CASQ2: variants seen among roughly 807,000 people sequenced by gnomAD.
CASQ2 encodes the protein calsequestrin-2.
A neutral mutation model predicts 46.5 loss-of-function variants in CASQ2; 49 were observed. The ratio of observed to expected loss-of-function variants is 1.05; its 90% CI spans 0.84 to 1.34. The LOEUF (loss-of-function observed/expected upper bound fraction) is 1.34. CASQ2 is among the 40% of genes most tolerant of loss of function. The pLI, the probability that CASQ2 is intolerant of heterozygous loss-of-function variation, is 0.00. For synonymous variants in CASQ2, 174 were observed against 168.5 expected (o/e 1.03, Z -0.25); for missense variants, 486 against 481.3 (o/e 1.01, Z -0.09).
Position 115,761,765 on chromosome 1 carries a change from A to G in CASQ2, c.234+6543T>C, listed in dbSNP as rs537012467. On this transcript the variant is annotated intron_variant, in intron 1 of 10. Transcript: ENST00000261448. ...CAAAACTCAGAGGCCTACATTACCC[A>G]GGATTATGATTCTTGATCCTGTCAT... Among the ~76,000 whole-genome samples the G allele has an allele frequency of 1.1e-3, 168 of 152,228 alleles. 1 individual carries two copies. The highest frequency in any genetic ancestry group is 2.0e-3 in the Non-Finnish European group (139 of 68,018).
At chr1:115,732,335 T>C (rs1315599956) in intron 5 of CASQ2, 4 of 154,278 alleles carry the variant, frequency 2.6e-5, no homozygotes, top group African/African-American at 9.6e-5. Context: ...ACTTGGATTA[T>C]AGAGCACTCT....
In CASQ2 at chr1:115,701,233, G is replaced by C. The variant is rs760001239; in HGVS notation, c.*8C>G. On this transcript the variant is annotated 3_prime_UTR_variant, in exon 11 of 11. Coordinates refer to ENST00000261448, the MANE Select transcript of CASQ2 (RefSeq NM_001232.4). ...ATTTTGTTTTCATCAGAATTGTTTG[G>C]AGTTGGGCTATTCATCATCATCGTC... 6.2e-7 allele frequency: 1 copy of C among 1,613,852 alleles called. No homozygotes were observed. Among genetic ancestry groups the C allele is most frequent in the Non-Finnish European group, 8.5e-7 (1 of 1,179,908 alleles).
chr1:115,738,640 G>A (rs749793370), intron 3 of CASQ2, among the ~76,000 whole-genome samples: 5 of 152,156 alleles, frequency 3.3e-5, no homozygotes, highest in Non-Finnish European at 7.3e-5. Context: ...GTAAAGTGTT[G>A]CTATGATCTA....
intron 8 of CASQ2, among the ~76,000 whole-genome samples, chr1:115,716,769 C>A (rs919557290): frequency 6.6e-6 from 1 of 152,222 alleles, no homozygotes; most frequent in East Asian, 1.9e-4. Flanking sequence ...CTCTGGCCCA[C>A]TTCTCTTCAC....
At chr1:115,718,966 G>A (rs575267783) in intron 7 of CASQ2, among the ~76,000 whole-genome samples, 17 of 152,094 alleles carry the variant, frequency 1.1e-4, no homozygotes, top group African/African-American at 3.6e-4. Flanking sequence ...CATGGGGAGA[G>A]GTATGCTTTG....
intron 8 of CASQ2, among the ~76,000 whole-genome samples, chr1:115,714,345 TG>T (rs764794476): frequency 2.7e-4 from 41 of 152,188 alleles, no homozygotes; most frequent in Non-Finnish European, 3.4e-4. Context: ...GTGAGTGATT[TG>T]GGCAACTTAT....
At chr1:115,713,426 C>T (rs1044839213) in intron 8 of CASQ2, among the ~76,000 whole-genome samples, 2 of 152,150 alleles carry the variant, frequency 1.3e-5, no homozygotes, top group African/African-American at 2.4e-5. Flanking sequence ...GGCGATTAGG[C>T]TCGAGGGCCA....
rs747398730 is a variant in CASQ2 at position 115,764,777 on chromosome 1, A to AT, written c.234+3530dup. On this transcript the variant is annotated intron_variant, in intron 1 of 10. Transcript: ENST00000261448. The stretch of plus-strand genomic sequence containing the variant: ...TTTGAGTTTGCTGCCTCCTGGTGTC[A>AT]TATTACTTGCCTTTTTCTTGCTAAG... Among the ~76,000 whole-genome samples the AT allele has an allele frequency of 4.3e-3, 652 of 152,088 alleles. 1 individual carries two copies. Among genetic ancestry groups the AT allele is most frequent in the Non-Finnish European group, 7.5e-3 (512 of 67,980 alleles).
chr1:115,762,429 G>GA (rs775014015), intron 1 of CASQ2, among the ~76,000 whole-genome samples: 114 of 152,238 alleles, frequency 7.5e-4, no homozygotes, highest in Non-Finnish European at 2.2e-4. Context: ...CTAGCTGCCT[G>GA]AAAAAATCCC....
At chr1:115,722,715 CGAA>C (rs1308612260) in intron 7 of CASQ2, among the ~76,000 whole-genome samples, 2 of 152,148 alleles carry the variant, frequency 1.3e-5, no homozygotes, top group African/African-American at 4.8e-5. Flanking sequence ...CCATGAAAGA[CGAA>C]GACCAAGACC....
intron 1 of CASQ2, among the ~76,000 whole-genome samples, chr1:115,764,190 G>A (rs535882110): frequency 3.4e-4 from 51 of 152,138 alleles, no homozygotes; most frequent in East Asian, 3.3e-3. Context: ...AATGAAAAGC[G>A]AAGATTTTTA....
chr1:115,766,946 T>A (rs71519717), intron 1 of CASQ2, among the ~76,000 whole-genome samples: 15,567 of 151,688 alleles, frequency 0.1, 917 homozygotes, highest in South Asian at 0.24. Context: ...ATTTCTTTTT[T>A]AAAAAAAATT....
intron 7 of CASQ2, among the ~76,000 whole-genome samples, chr1:115,719,469 G>A (rs1182518119): frequency 5.9e-5 from 9 of 152,188 alleles, no homozygotes. Context: ...TTTGGAATTG[G>A]CTTTAGAATT....
chr1:115,751,801 G>T (rs1648593099), intron 1 of CASQ2, among the ~76,000 whole-genome samples: 1 of 152,174 alleles, frequency 6.6e-6, no homozygotes, highest in Non-Finnish European at 1.5e-5. Context: ...GAATACTGTG[G>T]ATTAAATTTC....
At chr1:115,745,808 TACAG>T (rs1648366893) in intron 1 of CASQ2, among the ~76,000 whole-genome samples, 1 of 152,176 alleles carries the variant, frequency 6.6e-6, no homozygotes, top group Admixed American at 6.5e-5. Flanking sequence ...TGAGAAATAA[TACAG>T]AGAGATATCT....
chr1:115,755,435 G>A (rs1648724814), intron 1 of CASQ2, among the ~76,000 whole-genome samples: 1 of 152,134 alleles, frequency 6.6e-6, no homozygotes, highest in Non-Finnish European at 1.5e-5. Context: ...CTTCAGTGGA[G>A]GTTGGTACAC....
At chr1:115,738,859 T>A (rs931061316) in intron 3 of CASQ2, among the ~76,000 whole-genome samples, 1 of 152,052 alleles carries the variant, frequency 6.6e-6, no homozygotes. Context: ...TTGCACCCTT[T>A]GATCATTATC....
At chr1:115,749,341 T>C (rs1222863509) in intron 1 of CASQ2, among the ~76,000 whole-genome samples, 1 of 152,210 alleles carries the variant, frequency 6.6e-6, no homozygotes, top group African/African-American at 2.4e-5. Flanking sequence ...GGTTATCTTA[T>C]GGATATTTAT....
rs545485632 is a variant in CASQ2 at position 115,718,443 on chromosome 1, A to G, written c.784-549T>C. On this transcript the variant is annotated intron_variant, in intron 7 of 10. Coordinates refer to ENST00000261448, the MANE Select transcript of CASQ2 (RefSeq NM_001232.4). ...TGGCAGACAGGAATCATTGAGGTCA[A>G]TTAGGATGTGGGCTGGTGTTGTTCA... 2.6e-5 allele frequency among the ~76,000 whole-genome samples: 4 copies of G among 152,340 alleles called. No individual in the cohort carries two copies. In the East Asian group the frequency reaches 7.7e-4, roughly 29 times the overall value.
Sources: gnomAD v4.1 joint callset for allele counts (sites outside exome capture counted in the v4.1 genomes callset) on GRCh38, gnomAD v4.1.1 for gene constraint, MANE v1.5 for transcripts, NCBI Gene and HGNC (gene_info 2026-07-23, HGNC 2026-07-21) for gene names.